Variants in CDK14 observed in about 807,000 individuals in gnomAD.
The protein encoded by CDK14 is cyclin dependent kinase 14.
In CDK14, 34 loss-of-function variants were observed where a neutral mutation model predicts 60.7. That is an observed-to-expected ratio of 0.56 (90% CI 0.43 to 0.75). CDK14 has a LOEUF of 0.75. CDK14 is among the 30% of genes least tolerant of loss of function. The pLI, the probability that CDK14 is intolerant of heterozygous loss-of-function variation, is 0.00. For missense variants in CDK14, 482 were observed against 564.1 expected (o/e 0.85, Z 1.47); for synonymous variants, 197 against 203.7 (o/e 0.97, Z 0.28).
rs375937104 is a variant in CDK14 at position 90,680,051 on chromosome 7, T to C, written c.124-46516T>C. 5.9e-5 allele frequency among the ~76,000 whole-genome samples: 9 copies of C among 151,762 alleles called. No individual in the cohort carries two copies. The East Asian group carries it at 1.4e-3, about 23-fold the overall frequency. ...ATAGTATTCTGTTTTTGTTTATATA[T>C]AAATAGAATTTTTGTTTATATATAT... is the stretch of plus-strand genomic sequence containing the variant. On this transcript the variant is annotated intron_variant, in intron 2 of 14. Coordinates refer to ENST00000380050, the MANE Select transcript of CDK14 (RefSeq NM_001287135.2).
intron 8 of CDK14, among the ~76,000 whole-genome samples, chr7:90,932,119 AC>A (rs1793611220): frequency 6.6e-6 from 1 of 152,226 alleles, no homozygotes; most frequent in Non-Finnish European, 1.5e-5. Flanking sequence ...CCACTTTTGC[AC>A]ATGTTCTGCC....
chr7:90,636,361 C>A (rs1800149567), intron 2 of CDK14, among the ~76,000 whole-genome samples: 1 of 152,174 alleles, frequency 6.6e-6, no homozygotes, highest in African/African-American at 2.4e-5. Context: ...TGAATTTTGT[C>A]AAAGGCCTTT....
At chr7:90,926,482 G>A (rs1322268891) in intron 8 of CDK14, among the ~76,000 whole-genome samples, 1 of 152,172 alleles carries the variant, frequency 6.6e-6, no homozygotes, top group Admixed American at 6.5e-5. Flanking sequence ...GACAGGTGGA[G>A]GCTGAACTGG....
intron 2 of CDK14, among the ~76,000 whole-genome samples, chr7:90,658,996 T>C (rs1800809127): frequency 6.6e-6 from 1 of 152,198 alleles, no homozygotes; most frequent in Non-Finnish European, 1.5e-5. Flanking sequence ...AGAACAATAG[T>C]GTGTCTGGTA....
intron 2 of CDK14, among the ~76,000 whole-genome samples, chr7:90,706,049 G>C (rs1174844109): frequency 6.6e-6 from 1 of 152,124 alleles, no homozygotes; most frequent in Non-Finnish European, 1.5e-5. Flanking sequence ...TGACCTAGTA[G>C]ATGTTAGTCT....
intron 7 of CDK14, among the ~76,000 whole-genome samples, chr7:90,905,902 T>C (rs146144853): frequency 1.2e-3 from 180 of 152,274 alleles, no homozygotes; most frequent in African/African-American, 4.1e-3. Context: ...TTGCAGTGCA[T>C]GGAAGCAGAC....
chr7:90,914,471 T>A (rs956049895), intron 7 of CDK14, among the ~76,000 whole-genome samples: 1 of 152,174 alleles, frequency 6.6e-6, no homozygotes, highest in Non-Finnish European at 1.5e-5. Flanking sequence ...TATATCTTAT[T>A]CCTCTTGGCA....
At chr7:90,792,754 C>T (rs1355234544) in intron 5 of CDK14, among the ~76,000 whole-genome samples, 1 of 152,214 alleles carries the variant, frequency 6.6e-6, no homozygotes, top group Admixed American at 6.5e-5. Flanking sequence ...TATCCCTTCT[C>T]TACTCTGTTA....
intron 12 of CDK14, among the ~76,000 whole-genome samples, chr7:91,095,783 T>C (rs1705024): frequency 0.11 from 16,428 of 152,056 alleles, 1,062 homozygotes; most frequent in Non-Finnish European, 0.15. Flanking sequence ...TAGCTGTTAC[T>C]GAAATGTAAT....
intron 4 of CDK14, among the ~76,000 whole-genome samples, chr7:90,751,645 G>C (rs778160578): frequency 3.3e-5 from 5 of 152,158 alleles, no homozygotes; most frequent in Non-Finnish European, 7.3e-5. Context: ...ACAACTTCAT[G>C]ATAGGCTCAA....
intron 5 of CDK14, among the ~76,000 whole-genome samples, chr7:90,817,627 T>G (rs1789399751): frequency 6.6e-6 from 1 of 152,220 alleles, no homozygotes; most frequent in South Asian, 2.1e-4. Context: ...CCAGTTTCTG[T>G]GATGAACAGC....
intron 6 of CDK14, among the ~76,000 whole-genome samples, chr7:90,884,239 C>G (rs1444366035): frequency 6.6e-6 from 1 of 152,126 alleles, no homozygotes; most frequent in Non-Finnish European, 1.5e-5. Flanking sequence ...AGCAAAGTCT[C>G]AGAATACAAA....
intron 10 of CDK14, among the ~76,000 whole-genome samples, chr7:91,000,387 C>CA (rs1795804455): frequency 1.3e-5 from 2 of 151,996 alleles, no homozygotes; most frequent in Admixed American, 6.5e-5. Context: ...TACTTTTTGC[C>CA]AAAAAACAGC....
intron 11 of CDK14, among the ~76,000 whole-genome samples, chr7:91,078,364 T>TGG (rs1459544338): frequency 4.6e-5 from 7 of 152,194 alleles, no homozygotes; most frequent in Admixed American, 2.0e-4. Flanking sequence ...CCCAGCACTT[T>TGG]GGGAGGCCAA....
At chr7:91,188,933 T>G (rs1164652044) in intron 14 of CDK14, among the ~76,000 whole-genome samples, 1 of 151,954 alleles carries the variant, frequency 6.6e-6, no homozygotes, top group Non-Finnish European at 1.5e-5. Flanking sequence ...CCCAAAAGCG[T>G]GTTGTTGTTT....
intron 4 of CDK14, among the ~76,000 whole-genome samples, chr7:90,763,549 C>T (rs1804413132): frequency 6.6e-6 from 1 of 151,932 alleles, no homozygotes; most frequent in East Asian, 1.9e-4. Flanking sequence ...TCTCAGCTAT[C>T]TGTTCTGAAC....
intron 7 of CDK14, among the ~76,000 whole-genome samples, chr7:90,916,194 G>T (rs1266531407): frequency 6.6e-6 from 1 of 152,142 alleles, no homozygotes; most frequent in Admixed American, 6.5e-5. Flanking sequence ...AGTATTGGAA[G>T]TGAAGAATGA....
chr7:90,617,646 A>G (rs1490027389), intron 2 of CDK14, among the ~76,000 whole-genome samples: 9 of 152,156 alleles, frequency 5.9e-5, no homozygotes, highest in African/African-American at 1.4e-4. Flanking sequence ...TTGTGAAATC[A>G]AGGGAGTTTC....
intron 2 of CDK14, among the ~76,000 whole-genome samples, chr7:90,682,850 A>G (rs1180492534): frequency 6.6e-6 from 1 of 152,084 alleles, no homozygotes. Flanking sequence ...TGTTATGTTT[A>G]TGTAATGTTT....
Sources: gnomAD v4.1 joint callset for allele counts (sites outside exome capture counted in the v4.1 genomes callset) on GRCh38, gnomAD v4.1.1 for gene constraint, MANE v1.5 for transcripts, NCBI Gene and HGNC (gene_info 2026-07-23, HGNC 2026-07-21) for gene names.